COL24A1: variants seen among roughly 807,000 people sequenced by gnomAD.
The protein encoded by COL24A1 is collagen type XXIV alpha 1 chain.
A neutral mutation model predicts 253.9 loss-of-function variants in COL24A1; 224 were observed. The ratio of observed to expected loss-of-function variants is 0.88; its 90% CI spans 0.79 to 0.99. The LOEUF is 0.99. COL24A1 is among the 50% of genes least tolerant of loss of function. The pLI is 0.00. For missense variants in COL24A1, 2,131 were observed against 2,068.5 expected, an observed-to-expected ratio of 1.03 and a Z score of -0.59; for synonymous variants, 685 against 673.7, an observed-to-expected ratio of 1.02 and a Z score of -0.26.
chr1:85,820,124 A>C (rs762412683), intron 45 of COL24A1, among the ~76,000 whole-genome samples: 69 of 152,244 alleles, frequency 4.5e-4, no homozygotes, highest in Admixed American at 5.2e-4. Context: ...CTGGAATTAC[A>C]GGCATGAGCC....
At chr1:86,142,387 G>T (rs1228008485) in intron 2 of COL24A1, among the ~76,000 whole-genome samples, 6 of 151,786 alleles carry the variant, frequency 4.0e-5, no homozygotes, top group Non-Finnish European at 7.4e-5. Flanking sequence ...GCTGGGCGTG[G>T]TGGTGGGTGC....
chr1:86,064,056 C>T (rs1041077408), intron 7 of COL24A1, among the ~76,000 whole-genome samples: 3 of 151,986 alleles, frequency 2.0e-5, no homozygotes, highest in African/African-American at 7.2e-5. Flanking sequence ...AGCACAGTAT[C>T]TTTTATAAAA....
chr1:86,149,520 T>G (rs1174634541), intron 1 of COL24A1, among the ~76,000 whole-genome samples: 1 of 152,234 alleles, frequency 6.6e-6, no homozygotes, highest in Non-Finnish European at 1.5e-5. Context: ...ATCTCAATTA[T>G]GCTGTCTTAA....
At chr1:86,097,275 T>C (rs746939544) in intron 5 of COL24A1, among the ~76,000 whole-genome samples, 10 of 152,204 alleles carry the variant, frequency 6.6e-5, no homozygotes, top group African/African-American at 2.4e-5. Context: ...TTGGACCTAC[T>C]CTACACAGAC....
intron 7 of COL24A1, among the ~76,000 whole-genome samples, chr1:86,078,485 G>A (rs1370292756): frequency 6.6e-6 from 1 of 151,990 alleles, no homozygotes; most frequent in Non-Finnish European, 1.5e-5. Context: ...AAAATAAAGG[G>A]CATCCAAATT....
intron 2 of COL24A1, among the ~76,000 whole-genome samples, chr1:86,132,150 G>A (rs891188393): frequency 6.6e-6 from 1 of 152,172 alleles, no homozygotes; most frequent in African/African-American, 2.4e-5. Flanking sequence ...TCTGTTGGCT[G>A]CATAAATGTC....
chr1:85,845,262 A>G (rs1299085869), intron 39 of COL24A1, among the ~76,000 whole-genome samples: 1 of 151,904 alleles, frequency 6.6e-6, no homozygotes, highest in Non-Finnish European at 1.5e-5. Flanking sequence ...AAAGGAGAGA[A>G]AGCATGGGTT....
intron 24 of COL24A1, among the ~76,000 whole-genome samples, chr1:85,914,627 G>C (rs1571200075): frequency 6.6e-6 from 1 of 152,110 alleles, no homozygotes; most frequent in East Asian, 1.9e-4. Context: ...TTGACCTCAA[G>C]TGATCTGCCC....
chr1:86,004,741 G>T (rs990309648), intron 19 of COL24A1, among the ~76,000 whole-genome samples: 2 of 152,112 alleles, frequency 1.3e-5, no homozygotes, highest in Admixed American at 6.5e-5. Flanking sequence ...GTTACCCAAA[G>T]TGGGGGGTCT....
At chr1:85,748,557 G>A (rs967249136) in intron 55 of COL24A1, among the ~76,000 whole-genome samples, 5 of 151,870 alleles carry the variant, frequency 3.3e-5, no homozygotes, top group South Asian at 2.1e-4. Flanking sequence ...GAACAGCTCC[G>A]GTCTACAGCT....
At chr1:85,788,359 G>A (rs1669908943) in intron 47 of COL24A1, among the ~76,000 whole-genome samples, 1 of 152,254 alleles carries the variant, frequency 6.6e-6, no homozygotes, top group East Asian at 1.9e-4. Flanking sequence ...CCAAAGTGCT[G>A]GGATTATAGG....
At chr1:85,778,582 T>G (rs531543399) in intron 52 of COL24A1, among the ~76,000 whole-genome samples, 1 of 151,168 alleles carries the variant, frequency 6.6e-6, no homozygotes, top group South Asian at 2.1e-4. Context: ...AAGCTACATG[T>G]TAGTTTTCTA....
At chr1:85,897,291 A>C (rs979160422) in intron 28 of COL24A1, among the ~76,000 whole-genome samples, 10 of 152,118 alleles carry the variant, frequency 6.6e-5, no homozygotes, top group Non-Finnish European at 1.3e-4. Context: ...AGAATAGCTA[A>C]TGGATGCTGG....
At chr1:85,870,305 A>G (rs1450514068) in intron 35 of COL24A1, among the ~76,000 whole-genome samples, 1 of 152,210 alleles carries the variant, frequency 6.6e-6, no homozygotes, top group East Asian at 1.9e-4. Context: ...GAAAGTTAAC[A>G]AGGATATCCA....
At position 86,145,995 on chromosome 1, in the gene COL24A1, G is replaced by C; in HGVS notation, c.121+124C>G. On this transcript the variant is annotated intron_variant, in intron 2 of 59. Transcript: ENST00000370571. ...TTAATCTTACATTCTCATGGTACTG[G>C]GTGGAATTTTTGTTATTGTTTAATG... 8.1e-6 allele frequency: 6 copies of C among 744,618 alleles called. No individual in the cohort carries two copies. In the South Asian group the frequency reaches 1.3e-4, roughly 16 times the overall value. 46.1% of individuals were successfully genotyped at this position (744,618 alleles called of 1,614,324 possible). A position where few individuals can be genotyped will look rare whatever the true frequency, so the allele number is the denominator to read the frequency against.
At chr1:86,040,037 G>T (rs1274405960) in intron 12 of COL24A1, among the ~76,000 whole-genome samples, 1 of 152,126 alleles carries the variant, frequency 6.6e-6, no homozygotes, top group Admixed American at 6.6e-5. Flanking sequence ...ATCAAGGCAG[G>T]CTTAATGCTA....
intron 7 of COL24A1, among the ~76,000 whole-genome samples, chr1:86,064,379 C>G (rs906184919): frequency 6.6e-6 from 1 of 152,004 alleles, no homozygotes; most frequent in Non-Finnish European, 1.5e-5. Context: ...TAAATTAACA[C>G]CCAAAGCTAT....
At chr1:86,108,396 C>T (rs559619186) in intron 5 of COL24A1, among the ~76,000 whole-genome samples, 41 of 151,996 alleles carry the variant, frequency 2.7e-4, no homozygotes, top group South Asian at 2.1e-4. Context: ...ACAATACTTT[C>T]CACCATCTCT....
At chr1:85,822,194 T>C (rs1673702269) in intron 45 of COL24A1, among the ~76,000 whole-genome samples, 1 of 152,202 alleles carries the variant, frequency 6.6e-6, no homozygotes, top group African/African-American at 2.4e-5. Context: ...ATGCCAAGAC[T>C]ATACAAAATG....
Sources: allele counts gnomAD v4.1 joint callset (sites outside exome capture counted in the v4.1 genomes callset), GRCh38; gene constraint gnomAD v4.1.1; transcripts MANE v1.5; gene names NCBI Gene and HGNC (gene_info 2026-07-23, HGNC 2026-07-21).